Variants in CTNNA2 observed in about 807,000 individuals in gnomAD.
CTNNA2 encodes catenin alpha 2, also known as catenin alpha-2.
CTNNA2 carries 42 observed loss-of-function variants against 101.0 expected under a neutral mutation model. The observed-to-expected ratio is 0.42, with a 90% confidence interval of 0.32 to 0.54. The LOEUF (loss-of-function observed/expected upper bound fraction) is 0.54. Ranked by LOEUF, CTNNA2 falls within the 20% of genes least tolerant of loss-of-function variation. The probability of loss-of-function intolerance (pLI) is 0.14; values close to 1 mark genes in which losing one functional copy is unlikely to be tolerated. For missense variants in CTNNA2, 871 were observed against 1,223.1 expected, an observed-to-expected ratio of 0.71 and a Z score of 4.29; for synonymous variants, 450 against 456.4, an observed-to-expected ratio of 0.99 and a Z score of 0.18.
At chr2:79,404,204 A>C (rs1252553191) in intron 4 of CTNNA2, among the ~76,000 whole-genome samples, 2 of 152,096 alleles carry the variant, frequency 1.3e-5, no homozygotes, top group East Asian at 3.9e-4. Flanking sequence ...CAAGTGTTTA[A>C]GAACAGTCAC....
chr2:80,464,061 A>G (rs999119853), intron 9 of CTNNA2, among the ~76,000 whole-genome samples: 1 of 151,872 alleles, frequency 6.6e-6, no homozygotes, highest in African/African-American at 2.4e-5. Flanking sequence ...GTTTACTCTT[A>G]TTGGTCTGTC....
At chr2:80,101,432 G>T (rs1039884572) in intron 7 of CTNNA2, among the ~76,000 whole-genome samples, 1 of 152,068 alleles carries the variant, frequency 6.6e-6, no homozygotes, top group African/African-American at 2.4e-5. Flanking sequence ...TCACACCTAT[G>T]GCAATTTTCA....
At chr2:80,246,708 C>T (rs1671355665) in intron 7 of CTNNA2, among the ~76,000 whole-genome samples, 1 of 152,182 alleles carries the variant, frequency 6.6e-6, no homozygotes, top group Non-Finnish European at 1.5e-5. Flanking sequence ...CTCTTGGGTG[C>T]ATTAGGCATG....
chr2:80,589,211 G>C, intron 14 of CTNNA2, 93 bp from the exon 15 acceptor site: 1 of 1,290,994 alleles, frequency 7.7e-7, no homozygotes, highest in Non-Finnish European at 1.1e-6. Context: ...GCCTTTGCAG[G>C]GTCTGGCTCT....
At position 80,555,773 on chromosome 2, in the gene CTNNA2, G is replaced by A. The variant is rs1175681761; in HGVS notation, c.1621G>A (p.Gly541Arg). The change falls in exon 12 of 19, where the codon GGG becomes AGG. Residue 541 changes from glycine (G) to arginine (R), a missense_variant. By Grantham distance (125) the Gly-to-Arg change is moderately radical. Around this residue, in one of 5 missense-constraint regions of CTNNA2, gnomAD observed 647 missense variants for 831.5 expected, o/e 0.78. Transcript: ENST00000402739. ...TGTGGACACTCTGGACCGGACTGCA[G>A]GGGCCATCAGGGGCCGGGCAGCTCG... is the stretch of plus-strand genomic sequence containing the variant. The part of the protein sequence containing the change: ...GDVDTLDRTA[G>R]AIRGRAARVI... The A allele has an allele frequency of 6.3e-7, 1 of 1,599,750 alleles. No individual in the cohort carries two copies.
Position 79,706,745 on chromosome 2 carries a change from A to G in CTNNA2, c.103-37642A>G, listed in dbSNP as rs140501900. On this transcript the variant is annotated intron_variant, in intron 2 of 18. Coordinates refer to ENST00000402739, the MANE Select transcript of CTNNA2 (RefSeq NM_001282597.3). ...AGAAAATCTTGGGTGGTGGGCAGGC[A>G]CCCAGGTCATAGATGCCTAATTCCT... Among the ~76,000 whole-genome samples the G allele has an allele frequency of 3.2e-3, 491 of 152,248 alleles. 3 individuals are homozygous for G. The highest frequency in any genetic ancestry group is 0.011 in the African/African-American group (472 of 41,564).
At chr2:80,097,178 A>G (rs1299376154) in intron 7 of CTNNA2, among the ~76,000 whole-genome samples, 1 of 152,048 alleles carries the variant, frequency 6.6e-6, no homozygotes, top group Non-Finnish European at 1.5e-5. Flanking sequence ...TGCTTCCTTC[A>G]TGAGCTCTTT....
At chr2:80,035,534 A>G (rs762343969) in intron 7 of CTNNA2, among the ~76,000 whole-genome samples, 38 of 152,208 alleles carry the variant, frequency 2.5e-4, no homozygotes, top group Non-Finnish European at 4.1e-4. Flanking sequence ...TTTATTTGCT[A>G]TAGTTCACCC....
chr2:79,280,810 T>C (rs755582450), intron 2 of CTNNA2, among the ~76,000 whole-genome samples: 1 of 152,030 alleles, frequency 6.6e-6, no homozygotes, highest in South Asian at 2.1e-4. Context: ...ACTGCACACC[T>C]GAAGAAAGGA....
intron 7 of CTNNA2, among the ~76,000 whole-genome samples, chr2:80,275,133 C>T (rs2149146455): frequency 6.6e-6 from 1 of 152,218 alleles, no homozygotes; most frequent in East Asian, 1.9e-4. Context: ...TTCATAATAA[C>T]CTCCCTTAAG....
intron 7 of CTNNA2, among the ~76,000 whole-genome samples, chr2:79,912,017 C>G (rs1685834232): frequency 6.6e-6 from 1 of 152,208 alleles, no homozygotes; most frequent in Non-Finnish European, 1.5e-5. Flanking sequence ...GTAAATCAGT[C>G]TATCGTTCCT....
intron 7 of CTNNA2, among the ~76,000 whole-genome samples, chr2:80,079,940 T>C (rs2148800355): frequency 6.6e-6 from 1 of 151,540 alleles, no homozygotes. Flanking sequence ...TAATTTCAGT[T>C]ATTATTGCTT....
At chr2:80,195,015 A>T (rs1316096431) in intron 7 of CTNNA2, among the ~76,000 whole-genome samples, 1 of 152,142 alleles carries the variant, frequency 6.6e-6, no homozygotes, top group African/African-American at 2.4e-5. Context: ...TGCTTCGTGT[A>T]TTTTAATTTC....
At chr2:80,178,439 T>G (rs1705537486) in intron 7 of CTNNA2, among the ~76,000 whole-genome samples, 2 of 152,284 alleles carry the variant, frequency 1.3e-5, no homozygotes, top group African/African-American at 4.8e-5. Context: ...GACAGGGCCT[T>G]GTTCCAAAAT....
intron 4 of CTNNA2, among the ~76,000 whole-genome samples, chr2:79,430,834 G>A (rs1678652004): frequency 6.6e-6 from 1 of 151,822 alleles, no homozygotes; most frequent in Non-Finnish European, 1.5e-5. Flanking sequence ...GTTCCAGGCA[G>A]AAAAAGGTAT....
rs114467257 is a variant in CTNNA2 at position 79,709,542 on chromosome 2, G to A, written c.103-34845G>A. On this transcript the variant is annotated intron_variant, in intron 2 of 18. Transcript: ENST00000402739. ...AAAGTACTTGGCAATCCAAAACAAA[G>A]CCAATTTTGGCTGTTATTACTCAAT... is the stretch of plus-strand genomic sequence containing the variant. Among the ~76,000 whole-genome samples the A allele has an allele frequency of 8.2e-3, 1,247 of 152,134 alleles. 14 individuals carry two copies. Among genetic ancestry groups the A allele is most frequent in the African/African-American group, 0.028 (1,157 of 41,486 alleles).
At chr2:80,293,975 G>A (rs972840105) in intron 7 of CTNNA2, among the ~76,000 whole-genome samples, 1 of 152,206 alleles carries the variant, frequency 6.6e-6, no homozygotes, top group Non-Finnish European at 1.5e-5. Flanking sequence ...ACTTCAGTGG[G>A]AGGAGGTGTA....
At chr2:80,459,735 C>A (rs1443580328) in intron 9 of CTNNA2, among the ~76,000 whole-genome samples, 1 of 152,182 alleles carries the variant, frequency 6.6e-6, no homozygotes, top group Non-Finnish European at 1.5e-5. Context: ...TGACAATCAT[C>A]TCCTTTTCCT....
chr2:79,952,161 G>A (rs1262263444), intron 7 of CTNNA2, among the ~76,000 whole-genome samples: 1 of 152,060 alleles, frequency 6.6e-6, no homozygotes, highest in African/African-American at 2.4e-5. Flanking sequence ...GGTCTCTCCA[G>A]GCCACCTAAC....
Sources: gnomAD v4.1 joint callset for allele counts (sites outside exome capture counted in the v4.1 genomes callset) on GRCh38, gnomAD v4.1.1 for gene constraint, gnomAD v4.1.1 regional missense constraint, MANE v1.5 for transcripts, NCBI Gene and HGNC (gene_info 2026-07-23, HGNC 2026-07-21) for gene names.